Variants in CFDP1 observed in about 807,000 individuals in gnomAD.
CFDP1 encodes the protein chromatin remodeling protein CFDP1.
Under a neutral mutation model 40.1 loss-of-function variants are expected in CFDP1, and 31 were observed. The observed-to-expected ratio is 0.77, with a 90% CI of 0.58 to 1.04. CFDP1 has a LOEUF of 1.04. CFDP1 is among the 50% of genes least tolerant of loss of function. The probability of loss-of-function intolerance (pLI) is 0.00; values close to 1 mark genes in which losing one functional copy is unlikely to be tolerated. For missense variants in CFDP1, 423 were observed against 343.4 expected, an observed-to-expected ratio of 1.23 and a Z score of -1.83; for synonymous variants, 167 against 120.0, an observed-to-expected ratio of 1.39 and a Z score of -2.56.
intron 4 of CFDP1, among the ~76,000 whole-genome samples, chr16:75,401,479 A>T (rs2079053144): frequency 6.6e-6 from 1 of 151,302 alleles, no homozygotes; most frequent in African/African-American, 2.4e-5. Flanking sequence ...AGGTGCCTGT[A>T]ATCCCAGCTG....
At chr16:75,310,401 T>G (rs1251854818) in intron 5 of CFDP1, among the ~76,000 whole-genome samples, 1 of 152,138 alleles carries the variant, frequency 6.6e-6, no homozygotes, top group Non-Finnish European at 1.5e-5. Context: ...AACCAAGACC[T>G]TGATTAAGAA....
chr16:75,294,748 G>A (rs2078170299), intron 6 of CFDP1, among the ~76,000 whole-genome samples: 1 of 152,142 alleles, frequency 6.6e-6, no homozygotes, highest in South Asian at 2.1e-4. Flanking sequence ...ATGCCTCTAA[G>A]AGAATGAGTT....
intron 5 of CFDP1, among the ~76,000 whole-genome samples, chr16:75,317,318 GA>G (rs1435068522): frequency 6.6e-6 from 1 of 152,200 alleles, no homozygotes; most frequent in Non-Finnish European, 1.5e-5. Flanking sequence ...TCCTCCCTGG[GA>G]AAGAGATAAT....
rs557949247 is a variant in CFDP1 at position 75,345,222 on chromosome 16, C to T, written c.651-40040G>A. On this transcript the variant is annotated intron_variant, in intron 5 of 6. Transcript: ENST00000283882. ...CTATAATCCCAGCACTTTGGGAGGCCGAGGCAGGTGGATCACTTAAGGTCA... is the reference window on the plus strand; with the variant it reads ...CTATAATCCCAGCACTTTGGGAGGCTGAGGCAGGTGGATCACTTAAGGTCA... Among the ~76,000 whole-genome samples, 546 of 151,826 alleles carry T rather than the reference C, an allele frequency of 3.6e-3. 3 individuals are homozygous for T. Among genetic ancestry groups the T allele is most frequent in the Non-Finnish European group, 5.9e-3 (403 of 67,902 alleles).
At position 75,297,156 on chromosome 16, in the gene CFDP1, GTGTGTGTGTC is replaced by G. The variant is rs1473559016; in HGVS notation, c.810-3124_810-3115del. ...CTTGCTTCCCATTTCTTGTGTGTGTGTGTGTGTGTCTGTGTGTGTGTGTGTGTGTGTGTGT... is the reference window on the plus strand; with the variant it reads ...CTTGCTTCCCATTTCTTGTGTGTGTGTGTGTGTGTGTGTGTGTGTGTGTGT... On this transcript the variant is annotated intron_variant, in intron 6 of 6. Coordinates refer to ENST00000283882, the MANE Select transcript of CFDP1 (RefSeq NM_006324.3). 3.3e-4 allele frequency among the ~76,000 whole-genome samples: 45 copies of G among 137,054 alleles called. 1 individual carries two copies. In the South Asian group the frequency reaches 3.6e-3, roughly 11 times the overall value. The allele number at this position is 137,054 out of a possible 152,430, so 89.9% of individuals were successfully genotyped here.
At chr16:75,361,448 G>C (rs992254138) in intron 5 of CFDP1, among the ~76,000 whole-genome samples, 1 of 151,940 alleles carries the variant, frequency 6.6e-6, no homozygotes, top group Non-Finnish European at 1.5e-5. Flanking sequence ...GAATCCCCAC[G>C]TACACTAAAA....
At chr16:75,387,604 G>T (rs2078910334) in intron 5 of CFDP1, among the ~76,000 whole-genome samples, 1 of 152,140 alleles carries the variant, frequency 6.6e-6, no homozygotes, top group African/African-American at 2.4e-5. Context: ...TGGAACAAAT[G>T]GCCACCAGAA....
chr16:75,421,081 G>A (rs1386012622), intron 1 of CFDP1, among the ~76,000 whole-genome samples: 1 of 152,144 alleles, frequency 6.6e-6, no homozygotes, highest in East Asian at 1.9e-4. Context: ...TCTCCGGCCA[G>A]CCAGCAGACT....
chr16:75,304,675 G>C (rs2151500224), intron 6 of CFDP1, among the ~76,000 whole-genome samples: 1 of 152,306 alleles, frequency 6.6e-6, no homozygotes, highest in Middle Eastern at 3.4e-3. Flanking sequence ...TTTCTCAGAA[G>C]GACAAATGAT....
At chr16:75,339,194 CTT>C (rs1208880987) in intron 5 of CFDP1, among the ~76,000 whole-genome samples, 4 of 151,660 alleles carry the variant, frequency 2.6e-5, no homozygotes, top group South Asian at 2.1e-4. Flanking sequence ...CTTTCTATCT[CTT>C]TGTCTTATTT....
At chr16:75,309,546 C>T (rs984457065) in intron 5 of CFDP1, among the ~76,000 whole-genome samples, 2 of 151,980 alleles carry the variant, frequency 1.3e-5, no homozygotes, top group Non-Finnish European at 2.9e-5. Context: ...TCCAACCGGG[C>T]GCTGTGGCTC....
intron 5 of CFDP1, among the ~76,000 whole-genome samples, chr16:75,351,540 A>C (rs1027133961): frequency 1.3e-5 from 2 of 152,260 alleles, no homozygotes; most frequent in African/African-American, 4.8e-5. Context: ...TTTGAGAATC[A>C]ATAAGGATAA....
intron 4 of CFDP1, among the ~76,000 whole-genome samples, chr16:75,408,172 C>G (rs973612222): frequency 2.6e-5 from 4 of 151,890 alleles, no homozygotes; most frequent in African/African-American, 9.7e-5. Context: ...AAAGAACGCA[C>G]GCACAGTACA....
At chr16:75,297,148 G>T (rs960485256) in intron 6 of CFDP1, among the ~76,000 whole-genome samples, 42 of 125,900 alleles carry the variant, frequency 3.3e-4, no homozygotes, top group African/African-American at 1.2e-3. Context: ...CCCATTTCTT[G>T]TGTGTGTGTG....
chr16:75,329,771 G>C (rs575093493), intron 5 of CFDP1, among the ~76,000 whole-genome samples: 2 of 152,272 alleles, frequency 1.3e-5, no homozygotes, highest in Non-Finnish European at 2.9e-5. Flanking sequence ...CCTATGTATA[G>C]GTCATTTATC....
At position 75,377,835 on chromosome 16, in the gene CFDP1, TA is replaced by T. The variant is rs35805045; in HGVS notation, c.650+17254del. Reference sequence around the variant, plus strand: ...CAGTTGCCCCAAACTGCTTTAGCAATAAATAGAATTTCATGCTGAGTGGCAG... The same window carrying T: ...CAGTTGCCCCAAACTGCTTTAGCAATAATAGAATTTCATGCTGAGTGGCAG... On this transcript the variant is annotated intron_variant, in intron 5 of 6. Coordinates refer to ENST00000283882, the MANE Select transcript of CFDP1 (RefSeq NM_006324.3). Among the ~76,000 whole-genome samples, 624 of 152,302 alleles carry T rather than the reference TA, an allele frequency of 4.1e-3. 5 individuals are homozygous for T. The highest frequency in any genetic ancestry group is 0.013 in the African/African-American group (559 of 41,564).
chr16:75,367,771 C>A (rs1456788918), intron 5 of CFDP1, among the ~76,000 whole-genome samples: 1 of 129,506 alleles, frequency 7.7e-6, no homozygotes, highest in African/African-American at 2.9e-5. Context: ...CCAGCCTGGG[C>A]GACAGAGTGA....
chr16:75,378,332 C>T (rs1597366583), intron 5 of CFDP1, among the ~76,000 whole-genome samples: 1 of 152,058 alleles, frequency 6.6e-6, no homozygotes, highest in East Asian at 1.9e-4. Flanking sequence ...AAATGTCATT[C>T]CAATCATATA....
chr16:75,408,270 C>A (rs1234076345), intron 4 of CFDP1, among the ~76,000 whole-genome samples: 1 of 151,918 alleles, frequency 6.6e-6, no homozygotes, highest in Non-Finnish European at 1.5e-5. Context: ...CTTCTGATCC[C>A]ATGAAAATAT....
Sources: gnomAD v4.1 joint callset for allele counts (sites outside exome capture counted in the v4.1 genomes callset) on GRCh38, gnomAD v4.1.1 for gene constraint, MANE v1.5 for transcripts, NCBI Gene and HGNC (gene_info 2026-07-23, HGNC 2026-07-21) for gene names.